MAN1C1: variants seen among roughly 807,000 people sequenced by gnomAD.
The protein encoded by MAN1C1 is mannosyl-oligosaccharide 1,2-alpha-mannosidase IC.
A neutral mutation model predicts 71.5 loss-of-function variants in MAN1C1; 49 were observed. The ratio of observed to expected loss-of-function variants is 0.69; its 90% CI spans 0.54 to 0.87. The LOEUF (loss-of-function observed/expected upper bound fraction) is 0.87, where lower values mean the gene tolerates loss of function less well. Among genes scored for constraint, MAN1C1 ranks in the 40% least tolerant of loss-of-function variants. MAN1C1 has a pLI of 0.00. For synonymous variants in MAN1C1, 352 were observed against 343.7 expected, an observed-to-expected ratio of 1.02 and a Z score of -0.27; for missense variants, 743 against 835.0, an observed-to-expected ratio of 0.89 and a Z score of 1.36.
chr1:25,734,775 C>A (rs2786875), intron 2 of MAN1C1, among the ~76,000 whole-genome samples: 10,368 of 152,234 alleles, frequency 0.068, 452 homozygotes, highest in African/African-American at 0.12. Flanking sequence ...CTTAAATCAA[C>A]CAGGCTTAGA....
intron 2 of MAN1C1, among the ~76,000 whole-genome samples, chr1:25,687,602 A>G (rs2046250278): frequency 6.6e-6 from 1 of 152,090 alleles, no homozygotes; most frequent in Admixed American, 6.5e-5. Context: ...ATATCCCCCC[A>G]TCACCCCCAT....
chr1:25,650,410 C>T (rs1311104326), intron 1 of MAN1C1, among the ~76,000 whole-genome samples: 1 of 152,150 alleles, frequency 6.6e-6, no homozygotes, highest in East Asian at 1.9e-4. Context: ...AATACAGTGT[C>T]CAGTGTTTGC....
intron 1 of MAN1C1, among the ~76,000 whole-genome samples, chr1:25,672,835 G>A (rs145168988): frequency 4.6e-5 from 7 of 152,334 alleles, no homozygotes; most frequent in East Asian, 1.9e-4. Context: ...TGGCTGAAGC[G>A]TGGTGGGGAA....
intron 1 of MAN1C1, among the ~76,000 whole-genome samples, chr1:25,672,332 G>A (rs1016660050): frequency 3.8e-4 from 58 of 152,328 alleles, no homozygotes; most frequent in African/African-American, 1.3e-3. Flanking sequence ...CAACTCAAAT[G>A]TTAGTCTCTT....
In MAN1C1 at chr1:25,782,597, T is replaced by C; in HGVS notation, c.1663T>C (p.Tyr555His). 1 of 1,613,710 alleles carries C rather than the reference T, an allele frequency of 6.2e-7. No individual in the cohort carries two copies. Among genetic ancestry groups the C allele is most frequent in the Middle Eastern group, 1.6e-4 (1 of 6,062 alleles). ...GWEVVLALEK[Y>H]CRTEAGFSGI... Reference sequence around the variant, plus strand: ...TCCCCTTCCTCAGGCCTTGGAGAAATACTGTCGGACAGAAGCCGGTTTCTC... The same window carrying C: ...TCCCCTTCCTCAGGCCTTGGAGAAACACTGTCGGACAGAAGCCGGTTTCTC... The change falls in exon 11 of 12, where the codon TAC (tyrosine) becomes CAC (histidine). Residue 555 changes from tyrosine to histidine, a missense_variant. Coordinates refer to ENST00000374332, the MANE Select transcript of MAN1C1 (RefSeq NM_020379.4). This position sits in a 1 kb window ranked among gnomAD's most constrained non-coding sequence, Gnocchi z 4.4.
At position 25,778,047 on chromosome 1, in the gene MAN1C1, C is replaced by T; in HGVS notation, c.1258-58C>T. On this transcript the variant is annotated intron_variant, in intron 8 of 11. Coordinates refer to ENST00000374332, the MANE Select transcript of MAN1C1 (RefSeq NM_020379.4). This position sits in a 1 kb window ranked among gnomAD's most constrained non-coding sequence, Gnocchi z 5.5. ...AATGTTCATTTTCCATCCTTTCCCC[C>T]CCTTCTCTGTGCCCTCCCACGCCCC... 3.1e-6 allele frequency: 4 copies of T among 1,298,570 alleles called. No homozygotes were observed. The highest frequency in any genetic ancestry group is 1.5e-5 in the African/African-American group (1 of 67,386). The allele number at this position is 1,298,570 out of a possible 1,614,324, so 80.4% of individuals were successfully genotyped here.
At chr1:25,690,423 G>T (rs1159128147) in intron 2 of MAN1C1, among the ~76,000 whole-genome samples, 1 of 151,904 alleles carries the variant, frequency 6.6e-6, no homozygotes, top group East Asian at 1.9e-4. Flanking sequence ...CTCCTGAGTA[G>T]CTGGGATTAG....
chr1:25,763,942 C>T lies in MAN1C1; in HGVS notation c.1116C>T (p.Ser372=), dbSNP rs149565334. The T allele has an allele frequency of 2.9e-5, 47 of 1,613,870 alleles. No homozygotes were observed. In the African/African-American group the frequency reaches 5.7e-4, roughly 20 times the overall value. The change falls in exon 7 of 12, where the codon AGC becomes AGT. Residue 372 remains serine (S), a synonymous_variant. Transcript: ENST00000374332. The part of the protein sequence containing the change: ...KPFGLYPNFL[S]PVSGNWVQHH... ...TTGGCCTCTACCCCAACTTCCTCAG[C>T]CCAGTGAGTGGGAACTGGGTGCAAC...
chr1:25,682,694 T>C (rs1047262093), intron 1 of MAN1C1, among the ~76,000 whole-genome samples: 1 of 152,046 alleles, frequency 6.6e-6, no homozygotes, highest in African/African-American at 2.4e-5. Context: ...AACTCCACAA[T>C]CAAATGGGCC....
At chr1:25,635,751 A>G (rs1036978228) in intron 1 of MAN1C1, among the ~76,000 whole-genome samples, 2 of 151,434 alleles carry the variant, frequency 1.3e-5, no homozygotes, top group African/African-American at 4.9e-5. Flanking sequence ...ACCCCACCTC[A>G]TTTTCTTTTT....
chr1:25,708,186 C>T (rs1157999419), intron 2 of MAN1C1, among the ~76,000 whole-genome samples: 1 of 152,132 alleles, frequency 6.6e-6, no homozygotes, highest in Non-Finnish European at 1.5e-5. Context: ...ATTTCTTGAC[C>T]ATATGCTAAA....
At chr1:25,740,658 G>T (rs150793790) in intron 2 of MAN1C1, among the ~76,000 whole-genome samples, 3 of 151,952 alleles carry the variant, frequency 2.0e-5, no homozygotes, top group African/African-American at 7.3e-5. Flanking sequence ...GGATGGTCTC[G>T]ATCTCCTGAC....
intron 1 of MAN1C1, among the ~76,000 whole-genome samples, chr1:25,628,532 T>G (rs2045332611): frequency 6.6e-6 from 1 of 152,306 alleles, no homozygotes; most frequent in East Asian, 1.9e-4. Context: ...GCTCTCGAAC[T>G]CCTGACCTCA....
chr1:25,706,210 G>C (rs937040874), intron 2 of MAN1C1, among the ~76,000 whole-genome samples: 3 of 152,164 alleles, frequency 2.0e-5, no homozygotes, highest in Admixed American at 2.0e-4. Context: ...TTTACCCTGT[G>C]GTCTCCTGGA....
intron 3 of MAN1C1, among the ~76,000 whole-genome samples, chr1:25,748,941 A>G (rs1396745757): frequency 6.6e-6 from 1 of 152,224 alleles, no homozygotes; most frequent in Non-Finnish European, 1.5e-5. Flanking sequence ...TCTAAGCTCC[A>G]GCCAGCAGCT....
rs1181692478 is a variant in MAN1C1 at position 25,618,060 on chromosome 1, C to T, written c.263C>T (p.Ala88Val). Reference sequence around the variant, plus strand: ...CCGCCTCCCAACCCGGCCCCCGCCGCGCCGGCCCCGGGCGAGGATGACCCC... The same window carrying T: ...CCGCCTCCCAACCCGGCCCCCGCCGTGCCGGCCCCGGGCGAGGATGACCCC... ...QEPPPNPAPA[A>V]PAPGEDDPSS... Residue 88 changes from alanine to valine, a missense_variant, in exon 1 of 12, where the codon GCG becomes GTG. Ala to Val is a moderately conservative substitution (Grantham distance 64). Coordinates refer to ENST00000374332, the MANE Select transcript of MAN1C1 (RefSeq NM_020379.4). 3 of 1,553,610 alleles carry T rather than the reference C, an allele frequency of 1.9e-6. No individual in the cohort carries two copies. The highest frequency in any genetic ancestry group is 1.4e-5 in the African/African-American group (1 of 71,624).
At chr1:25,695,835 G>A (rs1225713962) in intron 2 of MAN1C1, among the ~76,000 whole-genome samples, 2 of 152,228 alleles carry the variant, frequency 1.3e-5, no homozygotes, top group East Asian at 1.9e-4. Flanking sequence ...CGAGTGAGCC[G>A]GCCTCCTCTG....
intron 1 of MAN1C1, among the ~76,000 whole-genome samples, chr1:25,641,479 G>A (rs937614221): frequency 1.3e-5 from 2 of 152,152 alleles, no homozygotes; most frequent in Non-Finnish European, 2.9e-5. Flanking sequence ...TCATAGCCTG[G>A]ATAGGCATGT....
intron 1 of MAN1C1, among the ~76,000 whole-genome samples, chr1:25,628,800 G>A (rs1168535365): frequency 6.6e-6 from 1 of 152,032 alleles, no homozygotes; most frequent in East Asian, 1.9e-4. Context: ...ATATGCCTTT[G>A]TATAGTCATA....
Sources: allele counts gnomAD v4.1 joint callset (sites outside exome capture counted in the v4.1 genomes callset), GRCh38; gene constraint gnomAD v4.1.1; non-coding constraint Gnocchi (gnomAD v3.1); transcripts MANE v1.5; gene names NCBI Gene and HGNC (gene_info 2026-07-23, HGNC 2026-07-21).